The following EEF2K variants were observed in gnomAD, a reference collection of about 807,000 sequenced individuals.
EEF2K encodes alternative protein EEF2K.
EEF2K carries 70 observed loss-of-function variants against 93.8 expected under a neutral mutation model. The ratio of observed to expected loss-of-function variants is 0.75; its 90% confidence interval spans 0.62 to 0.91. The LOEUF (loss-of-function observed/expected upper bound fraction) is 0.91. Among genes scored for constraint, EEF2K ranks in the 40% least tolerant of loss-of-function variants. The pLI, the probability that EEF2K is intolerant of heterozygous loss-of-function variation, is 0.00. For synonymous variants in EEF2K, 376 were observed against 380.8 expected (o/e 0.99, Z 0.15); for missense variants, 935 against 972.9 (o/e 0.96, Z 0.52).
intron 7 of EEF2K, 65 bp downstream of exon 7, chr16:22,256,962 T>C: frequency 1.9e-6 from 3 of 1,595,794 alleles, no homozygotes; most frequent in Non-Finnish European, 2.6e-6. Flanking sequence ...CTGGCCAGGC[T>C]CAGCCCCTAA....
intron 1 of EEF2K, among the ~76,000 whole-genome samples, chr16:22,219,458 G>A (rs1384851240): frequency 1.3e-5 from 2 of 152,044 alleles, no homozygotes; most frequent in East Asian, 3.9e-4. Context: ...TAGTGAAACT[G>A]TGTCTCTACA....
intron 2 of EEF2K, among the ~76,000 whole-genome samples, chr16:22,234,116 C>A (rs1007081979): frequency 1.3e-5 from 2 of 152,180 alleles, no homozygotes; most frequent in Admixed American, 6.5e-5. Context: ...ACTGGCTAGG[C>A]AAAACGTTTG....
chr16:22,280,758 G>A (rs948943882), intron 17 of EEF2K, among the ~76,000 whole-genome samples: 2 of 146,948 alleles, frequency 1.4e-5, no homozygotes, highest in African/African-American at 2.5e-5. Flanking sequence ...TCCACCTCCC[G>A]AGTTCCAGCG....
rs911171080 is a variant in EEF2K at position 22,288,150 on chromosome 16, C to G, written c.*4154C>G. ...GACTACAGGCACCTGCCACCACGCG[C>G]AGCTAATGTTTGTATTTTTAGTAGA... On this transcript the variant is annotated 3_prime_UTR_variant, in exon 18 of 18. Transcript: ENST00000263026. 6.6e-6 allele frequency: 1 copy of G among 152,118 alleles called. No homozygotes were observed. The highest frequency in any genetic ancestry group is 1.5e-5 in the Non-Finnish European group (1 of 68,068). 9.4% of individuals were successfully genotyped at this position (152,118 alleles called of 1,614,324 possible).
chr16:22,208,085 G>A (rs948735353), intron 1 of EEF2K, among the ~76,000 whole-genome samples: 21 of 152,176 alleles, frequency 1.4e-4, no homozygotes, highest in African/African-American at 2.4e-4. Context: ...TGGGATTGGC[G>A]TCCGCCCTCC....
chr16:22,238,304 G>T (rs1483739238), intron 2 of EEF2K, among the ~76,000 whole-genome samples: 1 of 151,964 alleles, frequency 6.6e-6, no homozygotes, highest in East Asian at 1.9e-4. Context: ...CTGCCCGGGG[G>T]GAATACAAAG....
chr16:22,216,561 A>G, intron 1 of EEF2K, among the ~76,000 whole-genome samples: 1 of 152,166 alleles, frequency 6.6e-6, no homozygotes, highest in Non-Finnish European at 1.5e-5. Context: ...AGCTTCTTCT[A>G]GTTGGTGGAA....
At chr16:22,208,496 C>G (rs7197152) in intron 1 of EEF2K, among the ~76,000 whole-genome samples, 7,371 of 152,284 alleles carry the variant, frequency 0.048, 615 homozygotes, top group African/African-American at 0.17. Context: ...CACCACTGCA[C>G]TCTAGACTGG....
intron 15 of EEF2K, among the ~76,000 whole-genome samples, chr16:22,270,916 A>C (rs1005788334): frequency 1.4e-5 from 2 of 147,878 alleles, no homozygotes; most frequent in African/African-American, 5.2e-5. Context: ...CTCTCTCTAT[A>C]TATATGTGTG....
intron 11 of EEF2K, among the ~76,000 whole-genome samples, chr16:22,261,830 C>G (rs1190571126): frequency 6.6e-6 from 1 of 151,806 alleles, no homozygotes; most frequent in Non-Finnish European, 1.5e-5. Context: ...CATGATGAAA[C>G]CTCATCCCTA....
Position 22,284,278 on chromosome 16 carries a change from G to T in EEF2K, c.*282G>T, listed in dbSNP as rs367622128. The T allele has an allele frequency of 2.3e-3, 694 of 306,782 alleles. 6 individuals carry two copies. Among genetic ancestry groups the T allele is most frequent in the South Asian group, 0.014 (377 of 26,350 alleles). 19.0% of individuals were successfully genotyped at this position (306,782 alleles called of 1,614,324 possible). A position where few individuals can be genotyped will look rare whatever the true frequency, so the allele number is the denominator to read the frequency against. ...TACCGTTTTGTGTGTGGTTTTTTTTGTTTGTTTGTTTGTTTGTTTTGAGAC... is the reference window on the plus strand; with the variant it reads ...TACCGTTTTGTGTGTGGTTTTTTTTTTTTGTTTGTTTGTTTGTTTTGAGAC... On this transcript the variant is annotated 3_prime_UTR_variant, in exon 18 of 18. Transcript: ENST00000263026.
intron 6 of EEF2K, 99 bp downstream of exon 6, chr16:22,251,421 T>A: frequency 1.4e-6 from 2 of 1,406,250 alleles, no homozygotes; most frequent in Non-Finnish European, 1.9e-6. Flanking sequence ...ACCTTCTTTT[T>A]TTTTTTTTTT....
intron 1 of EEF2K, among the ~76,000 whole-genome samples, chr16:22,211,924 C>CT (rs1474650179): frequency 6.6e-6 from 1 of 151,906 alleles, no homozygotes; most frequent in Non-Finnish European, 1.5e-5. Context: ...CACACGGCCC[C>CT]TTTTGTTCAA....
At chr16:22,241,350 A>T (rs1360787430) in intron 2 of EEF2K, among the ~76,000 whole-genome samples, 3 of 152,074 alleles carry the variant, frequency 2.0e-5, no homozygotes, top group African/African-American at 7.2e-5. Flanking sequence ...CAATCTTATT[A>T]AAAAATGCAT....
In EEF2K at chr16:22,278,954, A is replaced by C. The variant is rs546658999; in HGVS notation, c.1890-1244A>C. ...GGCAATTTTACATAACAAAATTCACAGCTGTCCCGCACAGCAGAGCATACG... is the reference window on the plus strand; with the variant it reads ...GGCAATTTTACATAACAAAATTCACCGCTGTCCCGCACAGCAGAGCATACG... On this transcript the variant is annotated intron_variant, in intron 16 of 17. Coordinates refer to ENST00000263026, the MANE Select transcript of EEF2K (RefSeq NM_013302.5). Among the ~76,000 whole-genome samples, 4 of 152,250 alleles carry C rather than the reference A, an allele frequency of 2.6e-5. No individual in the cohort carries two copies. The East Asian group carries it at 7.7e-4, about 29-fold the overall frequency.
At chr16:22,237,547 G>A (rs577890147) in intron 2 of EEF2K, among the ~76,000 whole-genome samples, 1 of 151,884 alleles carries the variant, frequency 6.6e-6, no homozygotes, top group African/African-American at 2.4e-5. Context: ...TTGAGGTGGA[G>A]GTTGAGGTTT....
At chr16:22,279,068 G>C (rs1444714597) in intron 16 of EEF2K, among the ~76,000 whole-genome samples, 1 of 152,086 alleles carries the variant, frequency 6.6e-6, no homozygotes, top group Non-Finnish European at 1.5e-5. Flanking sequence ...GGGCAGCTTA[G>C]CTAGGACACT....
chr16:22,219,056 C>G (rs2046988071), intron 1 of EEF2K, among the ~76,000 whole-genome samples: 1 of 151,932 alleles, frequency 6.6e-6, no homozygotes, highest in South Asian at 2.1e-4. Context: ...CAGCTGGAGT[C>G]CTATTCTTAT....
Position 22,258,546 on chromosome 16 carries a change from A to G in EEF2K, c.1082A>G (p.Gln361Arg), listed in dbSNP as rs4783453. The G allele has an allele frequency of 1, 1,613,946 of 1,614,050 alleles. 806,921 individuals are homozygous for G. The highest frequency in any genetic ancestry group is 1 in the Middle Eastern group (6,062 of 6,062). The change falls in exon 10 of 18, where the codon CAA (glutamine) becomes CGA (arginine). Residue 361 changes from glutamine (Q) to arginine (R), a missense_variant. Physicochemically the swap from Gln to Arg is conservative, Grantham distance 43. Transcript: ENST00000263026. ...ACAGAGGAAAAATGTGGGAGCCCCC[A>G]AGTAAGGACCCTCTCTGGGAGCCGG... is the stretch of plus-strand genomic sequence containing the variant. ...RGTEEKCGSPQVRTLSGSRPP... is the reference protein window; with the variant it reads ...RGTEEKCGSPRVRTLSGSRPP...
Sources: allele counts gnomAD v4.1 joint callset (sites outside exome capture counted in the v4.1 genomes callset), GRCh38; gene constraint gnomAD v4.1.1; transcripts MANE v1.5; gene names NCBI Gene and HGNC (gene_info 2026-07-23, HGNC 2026-07-21).